AASS: variants seen among roughly 807,000 people sequenced by gnomAD.
AASS encodes the protein aminoadipate-semialdehyde synthase.
In AASS, 86 loss-of-function variants were observed where a neutral mutation model predicts 105.4. That is an observed-to-expected ratio of 0.82 (90% CI 0.69 to 0.98). AASS has a LOEUF of 0.98. Ranked by LOEUF, AASS falls within the 50% of genes least tolerant of loss-of-function variation. AASS has a pLI of 0.00. For synonymous variants in AASS, 381 were observed against 394.8 expected, an observed-to-expected ratio of 0.96 and a Z score of 0.41; for missense variants, 1,048 against 1,143.2, an observed-to-expected ratio of 0.92 and a Z score of 1.20.
chr7:122,118,802 TG>T (rs1187044577), intron 4 of AASS, among the ~76,000 whole-genome samples, 172 bp from the exon 5 acceptor site: 3 of 152,302 alleles, frequency 2.0e-5, no homozygotes, highest in Middle Eastern at 3.4e-3. Context: ...TGCCATCAAA[TG>T]CACTAACCCA....
chr7:122,109,212 A>G (rs1365802000), intron 11 of AASS, among the ~76,000 whole-genome samples: 1 of 151,074 alleles, frequency 6.6e-6, no homozygotes, highest in East Asian at 1.9e-4. Context: ...TAAAATGCCC[A>G]TACTACCCAA....
intron 19 of AASS, among the ~76,000 whole-genome samples, chr7:122,084,213 G>T (rs919830539): frequency 6.6e-5 from 10 of 152,036 alleles, no homozygotes; most frequent in Non-Finnish European, 1.3e-4. Context: ...GTGCCTAAAG[G>T]CTGGTAGAAG....
intron 6 of AASS, among the ~76,000 whole-genome samples, chr7:122,117,488 T>C (rs1263559725): frequency 6.6e-6 from 1 of 152,122 alleles, no homozygotes; most frequent in East Asian, 1.9e-4. Flanking sequence ...TCCTAACATC[T>C]TGTTTGCAAA....
rs1327786274 is a variant in AASS at position 122,103,934 on chromosome 7, C to A, written c.1279-2254G>T. 5.3e-5 allele frequency among the ~76,000 whole-genome samples: 8 copies of A among 151,514 alleles called. No individual in the cohort carries two copies. The East Asian group carries it at 1.5e-3, about 29-fold the overall frequency. Reference sequence around the variant, plus strand: ...ACATTTTATGTAAGCCTTGTGGTAACCACAAAGCAGAATACTAAAGCAGAT... The same window carrying A: ...ACATTTTATGTAAGCCTTGTGGTAAACACAAAGCAGAATACTAAAGCAGAT... On this transcript the variant is annotated intron_variant, in intron 11 of 23. Coordinates refer to ENST00000417368, the MANE Select transcript of AASS (RefSeq NM_005763.4).
intron 2 of AASS, among the ~76,000 whole-genome samples, chr7:122,133,000 T>G (rs1795979660): frequency 6.6e-6 from 1 of 152,170 alleles, no homozygotes; most frequent in Non-Finnish European, 1.5e-5. Flanking sequence ...ATGAAAGTCA[T>G]ATTGTGGTTA....
intron 15 of AASS, among the ~76,000 whole-genome samples, chr7:122,093,939 A>C (rs1011969242): frequency 3.3e-5 from 5 of 152,188 alleles, no homozygotes; most frequent in African/African-American, 1.2e-4. Context: ...TCTTTGCAGC[A>C]ACATGGATGC....
rs1234355262 is a variant in AASS at position 122,101,603 on chromosome 7, A to G, written c.1338+18T>C. Reference sequence around the variant, plus strand: ...TAAAAAAATACATTTATGAAAAAATATTCTGCTCATAACTTACATCTCTCA... The same window carrying G: ...TAAAAAAATACATTTATGAAAAAATGTTCTGCTCATAACTTACATCTCTCA... On this transcript the variant is annotated intron_variant, in intron 12 of 23. Coordinates refer to ENST00000417368, the MANE Select transcript of AASS (RefSeq NM_005763.4). 2 of 1,602,064 alleles carry G rather than the reference A, an allele frequency of 1.2e-6. No individual in the cohort carries two copies. The highest frequency in any genetic ancestry group is 1.7e-4 in the Middle Eastern group (1 of 6,024).
chr7:122,099,414 G>A (rs921397065), intron 13 of AASS, among the ~76,000 whole-genome samples: 1 of 151,830 alleles, frequency 6.6e-6, no homozygotes, highest in Non-Finnish European at 1.5e-5. Context: ...ACATGCCATG[G>A]GTTAAATGTA....
At chr7:122,105,531 T>C (rs1794630614) in intron 11 of AASS, among the ~76,000 whole-genome samples, 1 of 152,058 alleles carries the variant, frequency 6.6e-6, no homozygotes, top group Non-Finnish European at 1.5e-5. Flanking sequence ...TTAAGTATTG[T>C]TTCTGATCAC....
At chr7:122,094,287 G>A (rs957223659) in intron 15 of AASS, among the ~76,000 whole-genome samples, 3 of 152,040 alleles carry the variant, frequency 2.0e-5, no homozygotes, top group Admixed American at 1.3e-4. Flanking sequence ...TTGGAAAGAC[G>A]TGATCAATGA....
intron 11 of AASS, among the ~76,000 whole-genome samples, chr7:122,109,703 GA>G (rs145632627): frequency 6.8e-5 from 10 of 146,442 alleles, no homozygotes; most frequent in South Asian, 2.2e-4. Context: ...ACTACTAGAA[GA>G]AAAAAAAAAC....
chr7:122,126,592 A>G (rs1389696126), intron 3 of AASS, 133 bp from the exon 4 acceptor site: 2 of 762,820 alleles, frequency 2.6e-6, no homozygotes, highest in Non-Finnish European at 4.6e-6. Flanking sequence ...AGAAGCTACC[A>G]TCAGGTATAC....
At chr7:122,124,298 T>G (rs1795558623) in intron 4 of AASS, among the ~76,000 whole-genome samples, 1 of 152,180 alleles carries the variant, frequency 6.6e-6, no homozygotes, top group Admixed American at 6.5e-5. Context: ...TTGTTTGTTT[T>G]TTGAGATGGA....
chr7:122,106,706 CAGA>C (rs1794681558), intron 11 of AASS, among the ~76,000 whole-genome samples: 1 of 152,064 alleles, frequency 6.6e-6, no homozygotes, highest in Non-Finnish European at 1.5e-5. Flanking sequence ...TAGCTATATG[CAGA>C]AGATTAAAAC....
chr7:122,089,922 A>G (rs1793814952), intron 18 of AASS, among the ~76,000 whole-genome samples: 1 of 152,210 alleles, frequency 6.6e-6, no homozygotes, highest in African/African-American at 2.4e-5. Flanking sequence ...TATACCAAAC[A>G]TAGGCCAGTC....
rs564584358 is a variant in AASS, at chr7:122,122,587, C to T, written c.472+3788G>A. 1.8e-4 allele frequency among the ~76,000 whole-genome samples: 28 copies of T among 152,222 alleles called. 1 individual carries two copies. Among genetic ancestry groups the T allele is most frequent in the Non-Finnish European group, 2.9e-4 (20 of 68,000 alleles). ...ACATTAACCTGGAGATAATCAACAACGGAAACAATCCCAGAAACAAGAAAT... is the reference window on the plus strand; with the variant it reads ...ACATTAACCTGGAGATAATCAACAATGGAAACAATCCCAGAAACAAGAAAT... On this transcript the variant is annotated intron_variant, in intron 4 of 23. Transcript: ENST00000417368.
At chr7:122,092,793 A>G (rs752183782) in intron 17 of AASS, 50 bp downstream of exon 17, 9 of 1,410,334 alleles carry the variant, frequency 6.4e-6, no homozygotes, top group Non-Finnish European at 9.1e-6. Context: ...GATTCTGTAC[A>G]CAAGAATTTA....
intron 13 of AASS, among the ~76,000 whole-genome samples, chr7:122,099,112 T>C (rs749608841): frequency 9.2e-5 from 14 of 151,892 alleles, no homozygotes; most frequent in African/African-American, 2.4e-4. Context: ...GATATATATC[T>C]ACAGACGTAT....
chr7:122,142,388 T>C (rs1484995214), intron 1 of AASS, among the ~76,000 whole-genome samples: 2 of 152,158 alleles, frequency 1.3e-5, no homozygotes, highest in African/African-American at 4.8e-5. Context: ...TGTCACACTG[T>C]AGTAAGACCT....
Sources: gnomAD v4.1 joint callset for allele counts (sites outside exome capture counted in the v4.1 genomes callset) on GRCh38, gnomAD v4.1.1 for gene constraint, MANE v1.5 for transcripts, NCBI Gene and HGNC (gene_info 2026-07-23, HGNC 2026-07-21) for gene names.